Variants in AGXT2 observed in about 807,000 individuals in gnomAD.
The protein encoded by AGXT2 is alanine--glyoxylate aminotransferase 2, also known as alanine--glyoxylate aminotransferase 2, mitochondrial.
AGXT2 carries 61 observed loss-of-function variants against 62.5 expected under a neutral mutation model. The ratio of observed to expected loss-of-function variants is 0.98; its 90% CI spans 0.79 to 1.21. AGXT2 has a LOEUF of 1.21. Ranked by LOEUF, AGXT2 falls within the 50% of genes most tolerant of loss-of-function variation. The pLI is 0.00. For missense variants in AGXT2, 666 were observed against 641.5 expected (o/e 1.04, Z -0.41); for synonymous variants, 243 against 218.7 (o/e 1.11, Z -0.98).
chr5:35,047,741 G>T, intron 1 of AGXT2, 64 bp downstream of exon 1: 1 of 1,584,694 alleles, frequency 6.3e-7, no homozygotes, highest in Non-Finnish European at 8.6e-7. Context: ...AGCAGCCTTC[G>T]GAGCTCAAGT....
chr5:35,039,937 C>G (rs1352621400), intron 2 of AGXT2, among the ~76,000 whole-genome samples: 2 of 152,140 alleles, frequency 1.3e-5, no homozygotes, highest in Non-Finnish European at 2.9e-5. Context: ...TAAAATATCT[C>G]TCCTGTATTT....
chr5:35,000,419 C>T lies in AGXT2; in HGVS notation c.1438-1593G>A, dbSNP rs1446625806. ...TATTTGAGACAGAGTCTCACTCTGT[C>T]GCTCAGGCTGGAGTGCAGTGGCACA... On this transcript the variant is annotated intron_variant, in intron 13 of 13. Transcript: ENST00000231420. 2.6e-5 allele frequency among the ~76,000 whole-genome samples: 4 copies of T among 152,122 alleles called. No individual in the cohort carries two copies. The East Asian group carries it at 5.8e-4, about 22-fold the overall frequency.
intron 11 of AGXT2, among the ~76,000 whole-genome samples, chr5:35,010,549 G>T (rs1221734428): frequency 2.0e-5 from 3 of 152,054 alleles, no homozygotes; most frequent in African/African-American, 7.2e-5. Context: ...GCAGGGCTCT[G>T]TGGGGGGCGC....
Position 35,014,504 on chromosome 5 carries a change from TTTC to T in AGXT2, c.964-388_964-386del, listed in dbSNP as rs149968210. Reference sequence around the variant, plus strand: ...CTGTTTTCTTCTCTGTTCTCTTCCCTTTCTTCTTTCTCCTCATCCTCATGATGG... The same window carrying T: ...CTGTTTTCTTCTCTGTTCTCTTCCCTTTCTTTCTCCTCATCCTCATGATGG... On this transcript the variant is annotated intron_variant, in intron 9 of 13. Coordinates refer to ENST00000231420, the MANE Select transcript of AGXT2 (RefSeq NM_031900.4). Among the ~76,000 whole-genome samples the T allele has an allele frequency of 5.6e-3, 842 of 151,208 alleles. 26 individuals carry two copies. The East Asian group carries it at 0.078, about 14-fold the overall frequency.
At chr5:35,012,189 T>A (rs1435469651) in intron 11 of AGXT2, among the ~76,000 whole-genome samples, 1 of 151,780 alleles carries the variant, frequency 6.6e-6, no homozygotes, top group Non-Finnish European at 1.5e-5. Flanking sequence ...ATACAATTCA[T>A]CCATGTAACC....
chr5:35,031,886 GTTT>G (rs34618446), intron 7 of AGXT2, among the ~76,000 whole-genome samples: 2 of 119,424 alleles, frequency 1.7e-5, no homozygotes, highest in Non-Finnish European at 3.4e-5. Context: ...TTGATTTCTT[GTTT>G]TTTTTTTTTT....
chr5:35,019,529 G>A (rs1476083671), intron 9 of AGXT2, among the ~76,000 whole-genome samples: 1 of 152,140 alleles, frequency 6.6e-6, no homozygotes, highest in Non-Finnish European at 1.5e-5. Context: ...AAACCATTGA[G>A]AACAAAGACA....
rs74547040 is a variant in AGXT2 at position 35,012,094 on chromosome 5, G to T, written c.1188+860C>A. On this transcript the variant is annotated intron_variant, in intron 11 of 13. Coordinates refer to ENST00000231420, the MANE Select transcript of AGXT2 (RefSeq NM_031900.4). ...AGACCCAGAAGCGGGGAAGCTGGGAGGGGGGTGAGGGATGGAAAATTACAT... is the reference window on the plus strand; with the variant it reads ...AGACCCAGAAGCGGGGAAGCTGGGATGGGGGTGAGGGATGGAAAATTACAT... Among the ~76,000 whole-genome samples the T allele has an allele frequency of 6.7e-3, 1,020 of 152,184 alleles. 11 individuals carry two copies. Among genetic ancestry groups the T allele is most frequent in the African/African-American group, 0.024 (984 of 41,526 alleles).
chr5:35,039,493 G>A lies in AGXT2; in HGVS notation c.193C>T (p.Arg65Cys), dbSNP rs779774757. The A allele has an allele frequency of 1.2e-5, 19 of 1,613,850 alleles. No homozygotes were observed. Among genetic ancestry groups the A allele is most frequent in the Middle Eastern group, 1.7e-4 (1 of 6,050 alleles). ...TGTTCCTTGTGGATTTCCAGGACAC[G>A]GTTGTAGCCAAGGGACTGTAGATAA... ...PERYQSLGYN[R>C]VLEIHKEHLS... Residue 65 changes from arginine to cysteine, a missense_variant, in exon 3 of 14, where the codon CGT (arginine) becomes TGT (cysteine). Physicochemically the swap from Arg to Cys is radical, Grantham distance 180. Coordinates refer to ENST00000231420, the MANE Select transcript of AGXT2 (RefSeq NM_031900.4).
In AGXT2 at chr5:35,014,054, A is replaced by G; in HGVS notation, c.1029T>C (p.Pro343=). 1 of 1,614,186 alleles carries G rather than the reference A, an allele frequency of 6.2e-7. No homozygotes were observed. Among genetic ancestry groups the G allele is most frequent in the Non-Finnish European group, 8.5e-7 (1 of 1,180,032 alleles). Residue 343 remains proline (P), a synonymous_variant, in exon 10 of 14, where the codon CCT becomes CCC. Coordinates refer to ENST00000231420, the MANE Select transcript of AGXT2 (RefSeq NM_031900.4). ...TCCCTTTAGCCATGGTGACAATGTC[A>G]GGCAGGACATCGTGGGTTTGGAAGC... ...FWGFQTHDVL[P]DIVTMAKGIG... is the part of the protein sequence containing the mutation.
Position 35,003,696 on chromosome 5 carries a change from G to T in AGXT2, c.1437+67C>A, listed in dbSNP as rs1580567359. ...ATCTTCACAGCTGTGAAGAAACTGT[G>T]ACCAGCATTAGGAAATCAGAGAGAC... On this transcript the variant is annotated intron_variant, in intron 13 of 13. Coordinates refer to ENST00000231420, the MANE Select transcript of AGXT2 (RefSeq NM_031900.4). 15 of 1,443,484 alleles carry T rather than the reference G, an allele frequency of 1.0e-5. 2 individuals carry two copies. The South Asian group carries it at 1.7e-4, about 16-fold the overall frequency. The allele number at this position is 1,443,484 out of a possible 1,614,324, so 89.4% of individuals were successfully genotyped here.
intron 7 of AGXT2, among the ~76,000 whole-genome samples, chr5:35,030,439 C>A (rs531973242): frequency 1.3e-5 from 2 of 151,962 alleles, no homozygotes; most frequent in Admixed American, 6.6e-5. Flanking sequence ...ACCCGGGAGG[C>A]GGAGGTTGCA....
Position 35,012,137 on chromosome 5 carries a change from C to T in AGXT2, c.1188+817G>A, listed in dbSNP as rs577351009. ...AATTACATATTGGGTACAATGTACA[C>T]TACTTGGGTGACAGTGCACTAAAGT... On this transcript the variant is annotated intron_variant, in intron 11 of 13. Coordinates refer to ENST00000231420, the MANE Select transcript of AGXT2 (RefSeq NM_031900.4). 1.3e-5 allele frequency among the ~76,000 whole-genome samples: 2 copies of T among 152,156 alleles called. 1 individual carries two copies. Among genetic ancestry groups the T allele is most frequent in the African/African-American group, 4.8e-5 (2 of 41,524 alleles).
At chr5:35,028,671 A>T (rs1353411388) in intron 7 of AGXT2, among the ~76,000 whole-genome samples, 1 of 152,000 alleles carries the variant, frequency 6.6e-6, no homozygotes, top group African/African-American at 2.4e-5. Flanking sequence ...GTATCCATAC[A>T]TGACTGAATC....
At chr5:35,025,888 A>G (rs750992609) in intron 8 of AGXT2, 33 bp from the exon 9 acceptor site, 7 of 1,574,140 alleles carry the variant, frequency 4.4e-6, no homozygotes, top group Non-Finnish European at 6.1e-6. Flanking sequence ...GACCTATAAT[A>G]ATAGCATCAG....
intron 12 of AGXT2, among the ~76,000 whole-genome samples, chr5:35,006,007 C>T (rs1766407186): frequency 6.6e-6 from 1 of 152,084 alleles, no homozygotes; most frequent in Non-Finnish European, 1.5e-5. Context: ...CATGCAAATA[C>T]ATCTATATGC....
In AGXT2 at chr5:35,022,482, C is replaced by G. The variant is rs539877996; in HGVS notation, c.963+3281G>C. Among the ~76,000 whole-genome samples the G allele has an allele frequency of 1.5e-3, 227 of 149,010 alleles. 2 individuals carry two copies. Among genetic ancestry groups the G allele is most frequent in the African/African-American group, 5.5e-3 (222 of 40,350 alleles). On this transcript the variant is annotated intron_variant, in intron 9 of 13. Transcript: ENST00000231420. ...GTAAAATATCGCAAGAACAAAAAACCAAGCACCGCATATTCTCACTCATAG... is the reference window on the plus strand; with the variant it reads ...GTAAAATATCGCAAGAACAAAAAACGAAGCACCGCATATTCTCACTCATAG...
At chr5:35,022,799 C>G (rs1434930416) in intron 9 of AGXT2, among the ~76,000 whole-genome samples, 1 of 150,256 alleles carries the variant, frequency 6.7e-6, no homozygotes, top group African/African-American at 2.4e-5. Context: ...AAACCTAGAG[C>G]CCTTCCCTTT....
intron 9 of AGXT2, among the ~76,000 whole-genome samples, chr5:35,017,831 T>A (rs947757654): frequency 6.6e-6 from 1 of 151,884 alleles, no homozygotes; most frequent in African/African-American, 2.4e-5. Flanking sequence ...TTGAAAAAAA[T>A]TTAGAAGAAT....
Sources: gnomAD v4.1 joint callset for allele counts (sites outside exome capture counted in the v4.1 genomes callset) on GRCh38, gnomAD v4.1.1 for gene constraint, MANE v1.5 for transcripts, NCBI Gene and HGNC (gene_info 2026-07-23, HGNC 2026-07-21) for gene names.